HYDIN: variants seen among roughly 807,000 people sequenced by gnomAD.
HYDIN encodes the protein axonemal central pair apparatus protein HYDIN.
Under a neutral mutation model 403.9 loss-of-function variants are expected in HYDIN, and 132 were observed. That is an observed-to-expected ratio of 0.33 (90% CI 0.28 to 0.38). The LOEUF (loss-of-function observed/expected upper bound fraction) is 0.38, where lower values mean the gene tolerates loss of function less well. Ranked by LOEUF, HYDIN falls within the 10% of genes least tolerant of loss-of-function variation. The pLI is 1.00. For missense variants in HYDIN, 2,827 were observed against 5,009.5 expected, an observed-to-expected ratio of 0.56 and a Z score of 13.15; for synonymous variants, 1,202 against 1,891.7, an observed-to-expected ratio of 0.64 and a Z score of 9.46.
At chr16:70,962,636 TC>T (rs2078453473) in intron 37 of HYDIN, among the ~76,000 whole-genome samples, 1 of 150,078 alleles carries the variant, frequency 6.7e-6, no homozygotes, top group Non-Finnish European at 1.5e-5. Flanking sequence ...GGGACAGCTA[TC>T]CTTTCGTTGG....
chr16:71,218,146 G>A (rs756921764), intron 1 of HYDIN, among the ~76,000 whole-genome samples: 38 of 152,158 alleles, frequency 2.5e-4, no homozygotes, highest in Non-Finnish European at 5.1e-4. Context: ...CACTAGCCAA[G>A]CTCCTAGAAT....
chr16:71,113,394 T>G (rs1230252406), intron 10 of HYDIN: 3 of 151,720 alleles, frequency 2.0e-5, no homozygotes, highest in African/African-American at 7.3e-5. Context: ...TAAACACAAT[T>G]CTGAAACATT....
At chr16:71,189,424 C>T (rs1202868429) in intron 1 of HYDIN, among the ~76,000 whole-genome samples, 1 of 152,136 alleles carries the variant, frequency 6.6e-6, no homozygotes, top group Non-Finnish European at 1.5e-5. Context: ...GTACATCCAG[C>T]TGGTGTCATA....
intron 1 of HYDIN, among the ~76,000 whole-genome samples, chr16:71,206,457 C>CATTG (rs568316549): frequency 1.4e-3 from 219 of 152,290 alleles, no homozygotes; most frequent in South Asian, 6.8e-3. Context: ...ACTGAAGGAA[C>CATTG]ATTGGCCCAC....
In HYDIN at chr16:70,862,203, G is replaced by T; in HGVS notation, c.11622C>A (p.Thr3874=). The stretch of plus-strand genomic sequence containing the variant: ...CCCAGTGGTCCATGGTGCTGTCCAG[G>T]GTGCTGCCTGTATGCATCGTGCCCT... ...LSQGTMHTGS[T]LDSTMDHWAE... The change falls in exon 69 of 86, where the codon ACC becomes ACA. Residue 3874 remains threonine (T), a synonymous_variant. Transcript: ENST00000393567. 1 of 1,613,778 alleles carries T rather than the reference G, an allele frequency of 6.2e-7. No individual in the cohort carries two copies.
intron 1 of HYDIN, among the ~76,000 whole-genome samples, chr16:71,227,983 A>G (rs2041114684): frequency 6.6e-6 from 1 of 152,168 alleles, no homozygotes; most frequent in Non-Finnish European, 1.5e-5. Flanking sequence ...ATGGAACAGA[A>G]CGGAGCCCTC....
intron 13 of HYDIN, among the ~76,000 whole-genome samples, chr16:71,070,040 G>C (rs2082411892): frequency 6.6e-6 from 1 of 152,164 alleles, no homozygotes; most frequent in Admixed American, 6.5e-5. Flanking sequence ...TAGGGCTGAT[G>C]ACACAGTATC....
At chr16:71,191,578 G>C (rs1048378556) in intron 1 of HYDIN, among the ~76,000 whole-genome samples, 1 of 152,176 alleles carries the variant, frequency 6.6e-6, no homozygotes, top group African/African-American at 2.4e-5. Context: ...AGGACTGCCA[G>C]AGAAAACCAC....
chr16:70,954,419 C>G (rs1279904605), intron 40 of HYDIN, among the ~76,000 whole-genome samples: 2 of 130,624 alleles, frequency 1.5e-5, no homozygotes, highest in Non-Finnish European at 3.2e-5. Flanking sequence ...TGCCACTGTA[C>G]TCCAGCTTGG....
chr16:70,904,481 T>TG, intron 50 of HYDIN, among the ~76,000 whole-genome samples: 1 of 21,192 alleles, frequency 4.7e-5, no homozygotes, highest in Admixed American at 4.8e-4. Flanking sequence ...TGAGTAACTT[T>TG]TTTTTTTTTT....
chr16:70,831,318 C>T (rs1218841210), intron 80 of HYDIN, among the ~76,000 whole-genome samples: 3 of 151,036 alleles, frequency 2.0e-5, no homozygotes, highest in African/African-American at 4.9e-5. Flanking sequence ...GAGACCAACC[C>T]GGCCAACATG....
At chr16:70,955,973 C>A (rs1188671655) in intron 39 of HYDIN, among the ~76,000 whole-genome samples, 4 of 152,044 alleles carry the variant, frequency 2.6e-5, no homozygotes, top group Non-Finnish European at 4.4e-5. Flanking sequence ...CACCCACCAC[C>A]ATATCTGGTT....
Position 71,115,760 on chromosome 16 carries a change from G to A in HYDIN, c.1263C>T (p.Ile421=), listed in dbSNP as rs1168377561. Residue 421 remains isoleucine (I), a synonymous_variant, in exon 10 of 86, where the codon ATC becomes ATT. Transcript: ENST00000393567. ...GDVWPNSSAE[I]TVYFNPLEAK... is the part of the protein sequence containing the mutation. ...CTTCTAGTGGGTTAAAGTACACGGT[G>A]ATTTCAGCTGATGAGTTGGGCCAGA... is the stretch of plus-strand genomic sequence containing the variant. 3 of 1,037,594 alleles carry A rather than the reference G, an allele frequency of 2.9e-6. No individual in the cohort carries two copies. Among genetic ancestry groups the A allele is most frequent in the Non-Finnish European group, 4.5e-6 (3 of 659,688 alleles). 64.3% of individuals were successfully genotyped at this position (1,037,594 alleles called of 1,614,324 possible).
intron 23 of HYDIN, among the ~76,000 whole-genome samples, chr16:70,996,977 G>A (rs1190513422): frequency 2.0e-5 from 3 of 150,036 alleles, no homozygotes; most frequent in East Asian, 3.9e-4. Context: ...CCATCATGTA[G>A]AATCAGTGGG....
chr16:71,056,127 GTT>G (rs57845299), intron 18 of HYDIN, among the ~76,000 whole-genome samples: 6 of 106,244 alleles, frequency 5.6e-5, no homozygotes, highest in South Asian at 3.3e-4. Context: ...TCTGAGATTT[GTT>G]TTTTTTTTTT....
intron 1 of HYDIN, among the ~76,000 whole-genome samples, chr16:71,203,503 A>G (rs1300738423): frequency 1.3e-5 from 2 of 152,188 alleles, no homozygotes; most frequent in Non-Finnish European, 2.9e-5. Context: ...CCTCATTTCT[A>G]TTAGAATAGG....
At chr16:71,224,549 T>A (rs1598072092) in intron 1 of HYDIN, among the ~76,000 whole-genome samples, 1 of 150,856 alleles carries the variant, frequency 6.6e-6, no homozygotes, top group East Asian at 1.9e-4. Flanking sequence ...TTAATTTGGC[T>A]AAGGTTTTTC....
At chr16:71,161,576 C>T (rs2086003034) in intron 6 of HYDIN, among the ~76,000 whole-genome samples, 1 of 152,186 alleles carries the variant, frequency 6.6e-6, no homozygotes, top group African/African-American at 2.4e-5. Context: ...TCCTCCAAAG[C>T]CAGCAACAGC....
chr16:71,063,300 T>G (rs970698322), intron 16 of HYDIN, among the ~76,000 whole-genome samples: 16 of 152,258 alleles, frequency 1.1e-4, no homozygotes, highest in Admixed American at 1.3e-4. Context: ...AACTCCTCCC[T>G]GTGCCGCAGT....
Sources: allele counts gnomAD v4.1 joint callset (sites outside exome capture counted in the v4.1 genomes callset), GRCh38; gene constraint gnomAD v4.1.1; transcripts MANE v1.5; gene names NCBI Gene and HGNC (gene_info 2026-07-23, HGNC 2026-07-21).